JAK2: variants seen among roughly 807,000 people sequenced by gnomAD.
JAK2 encodes Janus kinase 2.
JAK2 carries 86 observed loss-of-function variants against 139.3 expected under a neutral mutation model. The ratio of observed to expected loss-of-function variants is 0.62; its 90% CI spans 0.52 to 0.74. The LOEUF is 0.74. JAK2 is among the 30% of genes least tolerant of loss of function. The pLI is 0.00. For synonymous variants in JAK2, 490 were observed against 437.7 expected (o/e 1.12, Z -1.49); for missense variants, 1,421 against 1,360.3 (o/e 1.04, Z -0.70).
intron 2 of JAK2, among the ~76,000 whole-genome samples, chr9:5,009,794 A>G (rs1434873275): frequency 2.0e-5 from 3 of 150,482 alleles, no homozygotes. Context: ...TTTTGCAGTC[A>G]CAGTCTTGCT....
rs112394525 is a variant in JAK2 at position 5,021,025 on chromosome 9, C to T, written c.-25-938C>T. 3.1e-3 allele frequency among the ~76,000 whole-genome samples: 469 copies of T among 152,224 alleles called. 1 individual carries two copies. The highest frequency in any genetic ancestry group is 4.7e-3 in the Non-Finnish European group (322 of 68,006). On this transcript the variant is annotated intron_variant, in intron 2 of 24. Coordinates refer to ENST00000381652, the MANE Select transcript of JAK2 (RefSeq NM_004972.4). ...AGCTCCCTATGTTACTCCCAGGGCC[C>T]ATGAAAGTTGACGGGCTCTCTTGTG...
chr9:5,115,073 T>G (rs947142452), intron 22 of JAK2, among the ~76,000 whole-genome samples: 7 of 151,934 alleles, frequency 4.6e-5, no homozygotes, highest in African/African-American at 1.5e-4. Flanking sequence ...ACAGATGGGA[T>G]CTAATTAAAC....
chr9:5,045,862 A>G (rs1431741659), intron 5 of JAK2, among the ~76,000 whole-genome samples: 1 of 152,164 alleles, frequency 6.6e-6, no homozygotes, highest in Non-Finnish European at 1.5e-5. Flanking sequence ...GTAAACAAAT[A>G]TTTCCTTGAG....
chr9:5,090,534 C>G lies in JAK2; in HGVS notation c.2850C>G (p.His950Gln). The part of the protein sequence containing the change: ...YLQKHKERID[H>Q]IKLLQYTSQI... Reference sequence around the variant, plus strand: ...AAAAACATAAAGAACGGATAGATCACATAAAACTTCTGCAGTACACATCTC... The same window carrying G: ...AAAAACATAAAGAACGGATAGATCAGATAAAACTTCTGCAGTACACATCTC... The change falls in exon 21 of 25, where the codon CAC becomes CAG. Residue 950 changes from histidine to glutamine, a missense_variant. Coordinates refer to ENST00000381652, the MANE Select transcript of JAK2 (RefSeq NM_004972.4). 6.3e-7 allele frequency: 1 copy of G among 1,596,732 alleles called. No individual in the cohort carries two copies.
chr9:5,055,607 C>A, intron 7 of JAK2, 62 bp from the exon 8 acceptor site: 1 of 1,298,704 alleles, frequency 7.7e-7, no homozygotes. Flanking sequence ...CTTCTTAAGT[C>A]TTGTTTTAAA....
intron 2 of JAK2, among the ~76,000 whole-genome samples, chr9:5,002,550 A>G (rs923481492): frequency 6.6e-6 from 1 of 151,962 alleles, no homozygotes; most frequent in Admixed American, 6.6e-5. Context: ...GGACCAACCT[A>G]TGGTATAACT....
chr9:5,069,118 A>G lies in JAK2; in HGVS notation c.1423A>G (p.Lys475Glu). Reference protein sequence around the residue: ...SGTKKNFSSLKDLLNCYQMET... With the variant: ...SGTKKNFSSLEDLLNCYQMET... ...GACAAAGAAGAACTTCAGCAGTCTT[A>G]AAGATCTTTTGAATTGTTACCAGAT... The change falls in exon 11 of 25, where the codon AAA becomes GAA. Residue 475 changes from lysine (K) to glutamate (E), a missense_variant. Physicochemically the swap from Lys to Glu is moderately conservative, Grantham distance 56 (BLOSUM62 1). Transcript: ENST00000381652. 1 of 1,612,496 alleles carries G rather than the reference A, an allele frequency of 6.2e-7. No individual in the cohort carries two copies. Among genetic ancestry groups the G allele is most frequent in the Non-Finnish European group, 8.5e-7 (1 of 1,178,756 alleles).
intron 2 of JAK2, among the ~76,000 whole-genome samples, chr9:4,991,611 A>T (rs1820253425): frequency 6.6e-6 from 1 of 152,190 alleles, no homozygotes; most frequent in Admixed American, 6.5e-5. Flanking sequence ...GTGGGATCAC[A>T]TGGTAAAATG....
chr9:5,127,513 A>T lies in JAK2; in HGVS notation c.*722A>T. ...AATGAAACAAGCTTACAAAGATATA[A>T]TCTATTTTATTATGGTTTCCCTTGT... On this transcript the variant is annotated 3_prime_UTR_variant, in exon 25 of 25. Transcript: ENST00000381652. 1 of 231,260 alleles carries T rather than the reference A, an allele frequency of 4.3e-6. No homozygotes were observed. Among genetic ancestry groups the T allele is most frequent in the Non-Finnish European group, 8.6e-6 (1 of 116,466 alleles). The allele number at this position is 231,260 out of a possible 1,614,324, so 14.3% of individuals were successfully genotyped here.
chr9:5,126,474 G>A (rs2130865244), intron 24 of JAK2, 28 bp downstream of exon 24: 1 of 1,441,980 alleles, frequency 6.9e-7, no homozygotes, highest in Middle Eastern at 1.8e-4. Flanking sequence ...ATCCAGGGTA[G>A]TCATGCATTT....
chr9:5,001,801 C>T (rs1225415020), intron 2 of JAK2, among the ~76,000 whole-genome samples: 5 of 151,806 alleles, frequency 3.3e-5, no homozygotes, highest in Non-Finnish European at 7.4e-5. Flanking sequence ...GTCACTTTGG[C>T]CAAGAGTTTT....
At chr9:5,097,713 A>T (rs1821117182) in intron 22 of JAK2, 1 of 152,166 alleles carries the variant, frequency 6.6e-6, no homozygotes, top group East Asian at 1.9e-4. Flanking sequence ...TCACAGTAGG[A>T]GGTCTAATTG....
chr9:5,107,930 T>C (rs1822104080), intron 22 of JAK2: 1 of 152,174 alleles, frequency 6.6e-6, no homozygotes, highest in African/African-American at 2.4e-5. Context: ...ACTTCAGTGC[T>C]AAAAATTATT....
chr9:5,077,580 A>G lies in JAK2; in HGVS notation c.1992A>G (p.Leu664=). 1.4e-6 allele frequency: 2 copies of G among 1,475,010 alleles called. No individual in the cohort carries two copies. Among genetic ancestry groups the G allele is most frequent in the Non-Finnish European group, 1.8e-6 (2 of 1,112,366 alleles). 91.4% of individuals were successfully genotyped at this position (1,475,010 alleles called of 1,614,324 possible). A position where few individuals can be genotyped will look rare whatever the true frequency, so the allele number is the denominator to read the frequency against. Residue 664 remains leucine (L), a splice_region_variant and synonymous_variant, in exon 15 of 25, where the codon CTA becomes CTG. Transcript: ENST00000381652. ...AKQLAWAMHF[L]EENTLIHGNV... ...AGTTGGCATGGGCCATGCATTTTCTAGTAAGTAGTACAACCTTTTTATCAA... is the reference window on the plus strand; with the variant it reads ...AGTTGGCATGGGCCATGCATTTTCTGGTAAGTAGTACAACCTTTTTATCAA...
At chr9:4,995,290 G>A (rs1820496653) in intron 2 of JAK2, among the ~76,000 whole-genome samples, 2 of 152,198 alleles carry the variant, frequency 1.3e-5, no homozygotes, top group Admixed American at 6.5e-5. Flanking sequence ...TGCGAAATGA[G>A]TTGTTTTCCC....
chr9:5,079,492 C>G (rs1298993519), intron 16 of JAK2, among the ~76,000 whole-genome samples: 2 of 147,118 alleles, frequency 1.4e-5, no homozygotes, highest in South Asian at 4.2e-4. Flanking sequence ...GCTTGTTGGT[C>G]CTTGGGTTTT....
intron 22 of JAK2, among the ~76,000 whole-genome samples, chr9:5,117,288 G>A (rs1310641623): frequency 1.3e-5 from 2 of 152,190 alleles, no homozygotes; most frequent in Non-Finnish European, 2.9e-5. Context: ...TCATGTTAAT[G>A]AGTTCAGACC....
chr9:5,078,452 C>G lies in JAK2; in HGVS notation c.2131+8C>G, dbSNP rs757551773. On this transcript the variant is annotated splice_region_variant and intron_variant, in intron 16 of 24. Coordinates refer to ENST00000381652, the MANE Select transcript of JAK2 (RefSeq NM_004972.4). ...CAGTTTTGCCAAAGGACAGTAAGTT[C>G]TAGAAGGATTATATATAATGTTACT... The G allele has an allele frequency of 6.2e-7, 1 of 1,608,322 alleles. No individual in the cohort carries two copies. Among genetic ancestry groups the G allele is most frequent in the Non-Finnish European group, 8.5e-7 (1 of 1,176,160 alleles).
At chr9:5,106,213 C>T (rs1217097053) in intron 22 of JAK2, among the ~76,000 whole-genome samples, 1 of 152,086 alleles carries the variant, frequency 6.6e-6, no homozygotes, top group Admixed American at 6.5e-5. Flanking sequence ...AAGAAAAAAA[C>T]AACCCCATCA....
Sources: allele counts gnomAD v4.1 joint callset (sites outside exome capture counted in the v4.1 genomes callset), GRCh38; gene constraint gnomAD v4.1.1; transcripts MANE v1.5; gene names NCBI Gene and HGNC (gene_info 2026-07-23, HGNC 2026-07-21).